Variants in DCC observed in about 807,000 individuals in gnomAD.
DCC encodes DCC netrin 1 receptor, also known as netrin receptor DCC.
Under a neutral mutation model 172.5 loss-of-function variants are expected in DCC, and 58 were observed. The observed-to-expected ratio is 0.34, with a 90% CI of 0.27 to 0.42. The LOEUF is 0.42. Ranked by LOEUF, DCC falls within the 10% of genes least tolerant of loss-of-function variation. The pLI is 1.00. For synonymous variants in DCC, 709 were observed against 644.5 expected (o/e 1.10, Z -1.52); for missense variants, 1,740 against 1,791.0 (o/e 0.97, Z 0.51).
intron 1 of DCC, among the ~76,000 whole-genome samples, chr18:52,344,662 G>T (rs1025911): frequency 0.27 from 40,357 of 151,816 alleles, 5,452 homozygotes; most frequent in Non-Finnish European, 0.31. Context: ...TAAAAGCAGT[G>T]CTGAAGTTTC....
At chr18:52,512,980 T>A (rs1475029549) in intron 1 of DCC, among the ~76,000 whole-genome samples, 1 of 152,094 alleles carries the variant, frequency 6.6e-6, no homozygotes, top group African/African-American at 2.4e-5. Flanking sequence ...CTTATACCAA[T>A]AGAGAGGGAG....
intron 28 of DCC, among the ~76,000 whole-genome samples, chr18:53,529,038 TCACACACACACACACACACACACA>T (rs140593675): frequency 3.1e-5 from 2 of 65,182 alleles, no homozygotes; most frequent in African/African-American, 1.2e-4. Flanking sequence ...TCTCTCTCTC[TCACACACACACACACACACACACA>T]CACACACACA....
intron 7 of DCC, among the ~76,000 whole-genome samples, chr18:53,139,488 T>A (rs1474787122): frequency 6.6e-6 from 1 of 152,336 alleles, no homozygotes; most frequent in African/African-American, 2.4e-5. Flanking sequence ...TCTAGTTGTT[T>A]GTTTGGTTGG....
At chr18:53,269,559 C>A (rs570482895) in intron 12 of DCC, among the ~76,000 whole-genome samples, 2 of 152,110 alleles carry the variant, frequency 1.3e-5, no homozygotes, top group Admixed American at 6.5e-5. Context: ...GAATAATAGT[C>A]GTAATATTAA....
chr18:53,385,720 T>C (rs1013438364), intron 15 of DCC, among the ~76,000 whole-genome samples: 5 of 152,200 alleles, frequency 3.3e-5, no homozygotes, highest in Non-Finnish European at 7.3e-5. Flanking sequence ...AAACAGATGA[T>C]GAGGCTGTCG....
chr18:52,378,835 A>T (rs965563453), intron 1 of DCC, among the ~76,000 whole-genome samples: 2 of 152,180 alleles, frequency 1.3e-5, no homozygotes, highest in Non-Finnish European at 1.5e-5. Flanking sequence ...GGTGTGAGCC[A>T]CTGAGCCTGG....
chr18:52,379,277 T>A (rs753791250), intron 1 of DCC, among the ~76,000 whole-genome samples: 7 of 152,078 alleles, frequency 4.6e-5, no homozygotes, highest in Non-Finnish European at 1.0e-4. Context: ...ATTGGATACA[T>A]GCCCATTGCT....
intron 5 of DCC, among the ~76,000 whole-genome samples, chr18:53,008,654 T>C (rs952627065): frequency 6.6e-6 from 1 of 151,992 alleles, no homozygotes; most frequent in African/African-American, 2.4e-5. Flanking sequence ...ATTTCTGAAG[T>C]ATGCCATTAT....
intron 9 of DCC, among the ~76,000 whole-genome samples, chr18:53,183,852 A>G (rs1273653912): frequency 1.3e-5 from 2 of 152,040 alleles, no homozygotes; most frequent in Non-Finnish European, 2.9e-5. Flanking sequence ...GAACATTACT[A>G]CCTGTATCCT....
intron 1 of DCC, among the ~76,000 whole-genome samples, chr18:52,698,579 A>C (rs1018487521): frequency 6.6e-5 from 10 of 151,630 alleles, no homozygotes; most frequent in African/African-American, 2.4e-4. Context: ...ACAGAATATC[A>C]ACTCTGTTAA....
chr18:53,468,022 T>C lies in DCC; in HGVS notation c.3736+12T>C. 3 of 1,222,832 alleles carry C rather than the reference T, an allele frequency of 2.5e-6. No individual in the cohort carries two copies. The highest frequency in any genetic ancestry group is 3.6e-6 in the Non-Finnish European group (3 of 822,646). The allele number at this position is 1,222,832 out of a possible 1,614,324, so 75.7% of individuals were successfully genotyped here. ...GTCCAACAATCCTGGTGAGTCAATA[T>C]TGGTGCCACAATGAAGAAATGAAAT... On this transcript the variant is annotated intron_variant, in intron 25 of 28. Coordinates refer to ENST00000442544, the MANE Select transcript of DCC (RefSeq NM_005215.4).
chr18:52,545,500 G>C (rs7227557), intron 1 of DCC, among the ~76,000 whole-genome samples: 44,194 of 152,054 alleles, frequency 0.29, 7,341 homozygotes, highest in Non-Finnish European at 0.39. Flanking sequence ...CAGAACTTTT[G>C]TTATGGGAAA....
chr18:53,345,168 CTG>C (rs1263587710), intron 15 of DCC, among the ~76,000 whole-genome samples: 1 of 151,482 alleles, frequency 6.6e-6, no homozygotes, highest in East Asian at 1.9e-4. Context: ...TTATAAAATT[CTG>C]TCTTTTTTAA....
At chr18:53,468,359 T>TTTATTTATTTA (rs1391253541) in intron 25 of DCC, among the ~76,000 whole-genome samples, 2 of 27,470 alleles carry the variant, frequency 7.3e-5, no homozygotes, top group African/African-American at 2.8e-4. Flanking sequence ...TATTTATTTA[T>TTTATTTATTTA]TTATTTTATT....
At chr18:52,367,270 C>G (rs1220364659) in intron 1 of DCC, among the ~76,000 whole-genome samples, 3 of 152,216 alleles carry the variant, frequency 2.0e-5, no homozygotes, top group African/African-American at 7.2e-5. Context: ...AGCCCCGGTT[C>G]CCGCTCGCGC....
chr18:52,606,720 T>A (rs975666192), intron 1 of DCC, among the ~76,000 whole-genome samples: 7 of 152,182 alleles, frequency 4.6e-5, no homozygotes, highest in African/African-American at 7.2e-5. Flanking sequence ...CTAGTTTGTT[T>A]CTTTATATCA....
At position 52,677,794 on chromosome 18, in the gene DCC, C is replaced by T. The variant is rs1181275662; in HGVS notation, c.92-74260C>T. ...TTGTTTTTGATTTTCCACATGAACG[C>T]ATTCCATTTAAGCACAGGAGTGTCT... On this transcript the variant is annotated intron_variant, in intron 1 of 28. Coordinates refer to ENST00000442544, the MANE Select transcript of DCC (RefSeq NM_005215.4). Among the ~76,000 whole-genome samples the T allele has an allele frequency of 3.3e-5, 5 of 152,258 alleles. No homozygotes were observed. In the East Asian group the frequency reaches 7.7e-4, roughly 24 times the overall value.
chr18:52,672,092 C>T lies in DCC; in HGVS notation c.92-79962C>T, dbSNP rs373981892. 5.3e-5 allele frequency among the ~76,000 whole-genome samples: 8 copies of T among 152,154 alleles called. No individual in the cohort carries two copies. The East Asian group carries it at 7.7e-4, about 15-fold the overall frequency. On this transcript the variant is annotated intron_variant, in intron 1 of 28. Coordinates refer to ENST00000442544, the MANE Select transcript of DCC (RefSeq NM_005215.4). Reference sequence around the variant, plus strand: ...ATTAGTGTCCACCGCCTAATATTAACCTCTATGTACAAAAACAAAAAACAA... The same window carrying T: ...ATTAGTGTCCACCGCCTAATATTAATCTCTATGTACAAAAACAAAAAACAA...
At chr18:52,555,696 T>C (rs1001533789) in intron 1 of DCC, among the ~76,000 whole-genome samples, 2 of 152,122 alleles carry the variant, frequency 1.3e-5, no homozygotes, top group African/African-American at 4.8e-5. Flanking sequence ...GGTAATTTCG[T>C]TCTAAGAAGA....
Sources: allele counts gnomAD v4.1 joint callset (sites outside exome capture counted in the v4.1 genomes callset), GRCh38; gene constraint gnomAD v4.1.1; transcripts MANE v1.5; gene names NCBI Gene and HGNC (gene_info 2026-07-23, HGNC 2026-07-21).